AGBL4: variants seen among roughly 807,000 people sequenced by gnomAD.
The protein encoded by AGBL4 is cytosolic carboxypeptidase 6.
Under a neutral mutation model 66.4 loss-of-function variants are expected in AGBL4, and 58 were observed. The observed-to-expected ratio is 0.87, with a 90% CI of 0.71 to 1.09. The LOEUF (loss-of-function observed/expected upper bound fraction) is 1.09. AGBL4 is among the 50% of genes least tolerant of loss of function. The pLI is 0.00. For missense variants in AGBL4, 579 were observed against 631.0 expected (o/e 0.92, Z 0.88); for synonymous variants, 234 against 222.9 (o/e 1.05, Z -0.44).
chr1:49,630,430 C>T (rs1645548786), intron 3 of AGBL4, among the ~76,000 whole-genome samples: 1 of 152,124 alleles, frequency 6.6e-6, no homozygotes. Context: ...TTTTCCTCAG[C>T]CTTGTTATTC....
At chr1:48,645,362 G>T (rs1305910717) in intron 8 of AGBL4, among the ~76,000 whole-genome samples, 1 of 152,112 alleles carries the variant, frequency 6.6e-6, no homozygotes, top group Non-Finnish European at 1.5e-5. Flanking sequence ...TTTCTTCTTT[G>T]CTTCAAGAAG....
At chr1:49,314,651 T>C (rs1342743371) in intron 3 of AGBL4, among the ~76,000 whole-genome samples, 1 of 152,114 alleles carries the variant, frequency 6.6e-6, no homozygotes, top group Non-Finnish European at 1.5e-5. Context: ...TTTGGTTGTT[T>C]CCAAGTCTTT....
chr1:49,160,959 T>C (rs1369140123), intron 4 of AGBL4, among the ~76,000 whole-genome samples: 1 of 152,194 alleles, frequency 6.6e-6, no homozygotes, highest in East Asian at 1.9e-4. Flanking sequence ...GTGAGAATTT[T>C]AAGCCAGTGG....
chr1:49,237,515 TATATATATATA>T lies in AGBL4; in HGVS notation c.377+8244_377+8254del, dbSNP rs1650864490. Among the ~76,000 whole-genome samples the T allele has an allele frequency of 3.8e-4, 52 of 136,658 alleles. 1 individual carries two copies. Among genetic ancestry groups the T allele is most frequent in the South Asian group, 1.6e-3 (7 of 4,462 alleles). The allele number at this position is 136,658 out of a possible 152,430, so 89.7% of individuals were successfully genotyped here. On this transcript the variant is annotated intron_variant, in intron 4 of 13. Transcript: ENST00000371839. ...CCTTTTTTTCCTCAATATTACATTA[TATATATATATA>T]TATATATATATATATATATATATAT... is the stretch of plus-strand genomic sequence containing the variant.
chr1:48,822,603 G>C (rs953966072), intron 6 of AGBL4, among the ~76,000 whole-genome samples: 9 of 152,160 alleles, frequency 5.9e-5, no homozygotes, highest in Non-Finnish European at 1.3e-4. Context: ...ATATGTCTTT[G>C]TCAATACCAC....
chr1:49,972,205 G>A (rs942997132), intron 1 of AGBL4, among the ~76,000 whole-genome samples: 6 of 151,694 alleles, frequency 4.0e-5, no homozygotes, highest in South Asian at 2.1e-4. Context: ...CACCACGCCC[G>A]GCCCAAGTGC....
In AGBL4 at chr1:48,811,574, C is replaced by G. The variant is rs145921607; in HGVS notation, c.634+55617G>C. 1.1e-3 allele frequency among the ~76,000 whole-genome samples: 160 copies of G among 152,254 alleles called. No individual in the cohort carries two copies. In the Middle Eastern group the frequency reaches 0.014, roughly 13 times the overall value. ...CAATGAGCAACTTGGATTGGTACAT[C>G]CTGCTCTTGAAAATTTGATCTACAA... On this transcript the variant is annotated intron_variant, in intron 6 of 13. Transcript: ENST00000371839.
chr1:49,121,859 C>T (rs528735770), intron 4 of AGBL4, among the ~76,000 whole-genome samples: 2 of 152,360 alleles, frequency 1.3e-5, no homozygotes, highest in South Asian at 2.1e-4. Context: ...CTGCAGTGGG[C>T]TCCGCCCATT....
At chr1:48,993,987 T>C (rs762547707) in intron 5 of AGBL4, among the ~76,000 whole-genome samples, 1 of 152,160 alleles carries the variant, frequency 6.6e-6, no homozygotes, top group Non-Finnish European at 1.5e-5. Flanking sequence ...CTTAGAAAGG[T>C]GCTTTTTTTG....
intron 3 of AGBL4, among the ~76,000 whole-genome samples, chr1:49,300,973 G>A (rs1372262769): frequency 1.3e-5 from 2 of 152,120 alleles, no homozygotes; most frequent in Admixed American, 1.3e-4. Context: ...TTGAATGACT[G>A]TGATTTAACT....
intron 9 of AGBL4, among the ~76,000 whole-genome samples, chr1:48,633,224 A>G (rs923596023): frequency 6.6e-6 from 1 of 152,218 alleles, no homozygotes. Context: ...ATTGCACCTC[A>G]GGACTGACTT....
chr1:49,296,447 T>C (rs894360349), intron 3 of AGBL4, among the ~76,000 whole-genome samples: 2 of 152,214 alleles, frequency 1.3e-5, no homozygotes, highest in African/African-American at 4.8e-5. Context: ...TAAGGTATCA[T>C]AGAAAAAGTT....
At chr1:49,236,316 C>G (rs115803587) in intron 4 of AGBL4, among the ~76,000 whole-genome samples, 1 of 152,136 alleles carries the variant, frequency 6.6e-6, no homozygotes, top group African/African-American at 2.4e-5. Context: ...GTGTGAGCCA[C>G]CACACCCAGC....
Position 49,085,262 on chromosome 1 carries a change from TTCATCA to T in AGBL4, c.378-39468_378-39463del, listed in dbSNP as rs55673573. On this transcript the variant is annotated intron_variant, in intron 4 of 13. Coordinates refer to ENST00000371839, the MANE Select transcript of AGBL4 (RefSeq NM_032785.4). ...TAGCTCTCGGATTTAGACTGGGACT[TTCATCA>T]TCATCATCATCATCATCATCATCAT... is the stretch of plus-strand genomic sequence containing the variant. 6.9e-3 allele frequency among the ~76,000 whole-genome samples: 1,007 copies of T among 145,030 alleles called. 12 individuals are homozygous for T. The highest frequency in any genetic ancestry group is 0.019 in the African/African-American group (735 of 38,858).
In AGBL4 at chr1:49,865,955, T is replaced by C. The variant is rs1384206977; in HGVS notation, c.35-14437A>G. On this transcript the variant is annotated intron_variant, in intron 1 of 13. Transcript: ENST00000371839. ...TGAAAAACACAACATGAGAATATAA[T>C]TTTGCAACCACAAGTATCAACAACC... 3 of 400,262 alleles carry C rather than the reference T, an allele frequency of 7.5e-6. 1 individual carries two copies. Among genetic ancestry groups the C allele is most frequent in the South Asian group, 5.6e-5 (3 of 53,310 alleles). 24.8% of individuals were successfully genotyped at this position (400,262 alleles called of 1,614,324 possible).
chr1:49,019,141 C>T (rs1426903114), intron 5 of AGBL4, among the ~76,000 whole-genome samples: 1 of 152,126 alleles, frequency 6.6e-6, no homozygotes, highest in African/African-American at 2.4e-5. Context: ...GTTCTCTGTG[C>T]CTGAAAGAGT....
At chr1:49,481,453 G>A (rs1468735005) in intron 3 of AGBL4, among the ~76,000 whole-genome samples, 1 of 151,900 alleles carries the variant, frequency 6.6e-6, no homozygotes, top group Admixed American at 6.6e-5. Context: ...ATAAGAATGA[G>A]AATGCTAGTG....
At chr1:49,217,065 C>A (rs1649152496) in intron 4 of AGBL4, among the ~76,000 whole-genome samples, 1 of 152,016 alleles carries the variant, frequency 6.6e-6, no homozygotes, top group Admixed American at 6.6e-5. Context: ...CAAGCATGTG[C>A]CCCTATTAGA....
At chr1:49,534,492 G>C (rs973994113) in intron 3 of AGBL4, among the ~76,000 whole-genome samples, 6 of 152,138 alleles carry the variant, frequency 3.9e-5, no homozygotes, top group African/African-American at 1.4e-4. Flanking sequence ...CTTTCTCTGA[G>C]AGACATTAAG....
Sources: allele counts gnomAD v4.1 joint callset (sites outside exome capture counted in the v4.1 genomes callset), GRCh38; gene constraint gnomAD v4.1.1; transcripts MANE v1.5; gene names NCBI Gene and HGNC (gene_info 2026-07-23, HGNC 2026-07-21).